CHCHD3: variants seen among roughly 807,000 people sequenced by gnomAD.
The protein encoded by CHCHD3 is MICOS complex subunit MIC19.
A neutral mutation model predicts 38.2 loss-of-function variants in CHCHD3; 20 were observed. That is an observed-to-expected ratio of 0.52 (90% CI 0.37 to 0.76). CHCHD3 has a LOEUF of 0.76. Ranked by LOEUF, CHCHD3 falls within the 30% of genes least tolerant of loss-of-function variation. The pLI is 0.00. For synonymous variants in CHCHD3, 82 were observed against 100.0 expected, an observed-to-expected ratio of 0.82 and a Z score of 1.07; for missense variants, 245 against 279.2, an observed-to-expected ratio of 0.88 and a Z score of 0.87.
chr7:133,055,298 A>G (rs1814285718), intron 2 of CHCHD3, among the ~76,000 whole-genome samples: 1 of 146,584 alleles, frequency 6.8e-6, no homozygotes, highest in Non-Finnish European at 1.5e-5. Context: ...CTATTTAATT[A>G]GAATAATTAG....
intron 5 of CHCHD3, among the ~76,000 whole-genome samples, chr7:132,878,360 C>T (rs371503198): frequency 6.0e-5 from 2 of 33,464 alleles, no homozygotes; most frequent in East Asian, 8.0e-4. Flanking sequence ...AAGAAGAAGT[C>T]ACACACAATC....
chr7:132,904,381 C>T (rs1809744044), intron 4 of CHCHD3, among the ~76,000 whole-genome samples: 1 of 152,112 alleles, frequency 6.6e-6, no homozygotes, highest in African/African-American at 2.4e-5. Flanking sequence ...GCTAACTAGT[C>T]ATGAGTTAAG....
intron 4 of CHCHD3, among the ~76,000 whole-genome samples, chr7:132,932,671 A>G (rs947472368): frequency 7.9e-5 from 12 of 152,212 alleles, no homozygotes; most frequent in African/African-American, 2.4e-4. Context: ...TGGAAGGCCA[A>G]TATTTCAAAT....
chr7:132,967,980 G>T (rs1585683750), intron 4 of CHCHD3, among the ~76,000 whole-genome samples: 1 of 152,104 alleles, frequency 6.6e-6, no homozygotes, highest in African/African-American at 2.4e-5. Flanking sequence ...TCATTCTTTG[G>T]GATCTTAACA....
At chr7:132,976,054 G>A (rs969780985) in intron 3 of CHCHD3, among the ~76,000 whole-genome samples, 1 of 152,124 alleles carries the variant, frequency 6.6e-6, no homozygotes, top group African/African-American at 2.4e-5. Context: ...TGAGGACACA[G>A]CGATAAACAA....
chr7:132,842,013 A>C (rs1259223442), intron 5 of CHCHD3, among the ~76,000 whole-genome samples: 1 of 152,002 alleles, frequency 6.6e-6, no homozygotes, highest in East Asian at 1.9e-4. Flanking sequence ...CAGGAGAATC[A>C]CTTGAACCCA....
intron 3 of CHCHD3, among the ~76,000 whole-genome samples, chr7:132,992,026 G>A (rs1038593457): frequency 6.6e-6 from 1 of 152,192 alleles, no homozygotes; most frequent in African/African-American, 2.4e-5. Context: ...ATGTGGAGCT[G>A]GCGGGGAAGG....
intron 7 of CHCHD3, among the ~76,000 whole-genome samples, chr7:132,793,872 T>C (rs3800589): frequency 0.38 from 58,180 of 152,154 alleles, 11,680 homozygotes; most frequent in East Asian, 0.72. Context: ...AGTTGGCCCA[T>C]GAGGAACTGC....
intron 4 of CHCHD3, among the ~76,000 whole-genome samples, chr7:132,917,305 A>C (rs1810131319): frequency 6.6e-6 from 1 of 151,140 alleles, no homozygotes; most frequent in African/African-American, 2.4e-5. Context: ...AAAAAAAAAA[A>C]TTAATCCCAT....
chr7:133,021,805 T>A (rs2117436372), intron 3 of CHCHD3, among the ~76,000 whole-genome samples: 1 of 152,158 alleles, frequency 6.6e-6, no homozygotes, highest in South Asian at 2.1e-4. Context: ...TCCATTTAAA[T>A]GCCAGGCACG....
In CHCHD3 at chr7:132,784,970, A is replaced by C. The variant is rs1033696950; in HGVS notation, c.*667T>G. 3 of 152,680 alleles carry C rather than the reference A, an allele frequency of 2.0e-5. No individual in the cohort carries two copies. The highest frequency in any genetic ancestry group is 7.2e-5 in the African/African-American group (3 of 41,474). 9.5% of individuals were successfully genotyped at this position (152,680 alleles called of 1,614,324 possible). On this transcript the variant is annotated 3_prime_UTR_variant, in exon 8 of 8. Transcript: ENST00000262570. ...CCAAGGTTGCCTTCATATTGATAAA[A>C]ATACCTTATCTCACTTGTAATCATA... is the stretch of plus-strand genomic sequence containing the variant.
chr7:132,847,882 G>C (rs1808120161), intron 5 of CHCHD3, among the ~76,000 whole-genome samples: 1 of 152,118 alleles, frequency 6.6e-6, no homozygotes, highest in Non-Finnish European at 1.5e-5. Flanking sequence ...TTCTTTTATA[G>C]AATGCTTCAT....
At chr7:133,027,221 G>A (rs1584654144) in intron 2 of CHCHD3, among the ~76,000 whole-genome samples, 1 of 152,050 alleles carries the variant, frequency 6.6e-6, no homozygotes, top group African/African-American at 2.4e-5. Flanking sequence ...TTACAGGCAT[G>A]AGCCACCATG....
chr7:132,836,423 T>C (rs4989636), intron 6 of CHCHD3, among the ~76,000 whole-genome samples: 12,193 of 152,054 alleles, frequency 0.08, 553 homozygotes, highest in African/African-American at 0.12. Flanking sequence ...CCTGGCGCCA[T>C]GTCTAAACTT....
At chr7:132,914,009 G>C (rs1314519185) in intron 4 of CHCHD3, among the ~76,000 whole-genome samples, 2 of 149,208 alleles carry the variant, frequency 1.3e-5, no homozygotes. Context: ...TTCCAGGCTG[G>C]AGTGCAATGG....
intron 5 of CHCHD3, among the ~76,000 whole-genome samples, chr7:132,838,768 T>C (rs568416503): frequency 6.6e-6 from 1 of 152,350 alleles, no homozygotes; most frequent in African/African-American, 2.4e-5. Flanking sequence ...AGATTGCCAT[T>C]ATTTGGAATC....
At chr7:132,925,338 A>T (rs899945191) in intron 4 of CHCHD3, among the ~76,000 whole-genome samples, 15 of 152,236 alleles carry the variant, frequency 9.9e-5, no homozygotes, top group African/African-American at 3.4e-4. Flanking sequence ...CCACTGAAAC[A>T]TCATGCATTA....
chr7:132,884,213 G>A (rs1585602895), intron 5 of CHCHD3, among the ~76,000 whole-genome samples: 1 of 152,016 alleles, frequency 6.6e-6, no homozygotes, highest in East Asian at 1.9e-4. Context: ...CACGGTTTTG[G>A]CAATGGCTTG....
intron 5 of CHCHD3, among the ~76,000 whole-genome samples, chr7:132,852,822 T>G (rs906126170): frequency 6.6e-6 from 1 of 152,200 alleles, no homozygotes; most frequent in Non-Finnish European, 1.5e-5. Flanking sequence ...CCTCCCACTT[T>G]TGCCTAGAAC....
Sources: gnomAD v4.1 joint callset for allele counts (sites outside exome capture counted in the v4.1 genomes callset) on GRCh38, gnomAD v4.1.1 for gene constraint, MANE v1.5 for transcripts, NCBI Gene and HGNC (gene_info 2026-07-23, HGNC 2026-07-21) for gene names.